ERBB4: variants seen among roughly 807,000 people sequenced by gnomAD.
The protein encoded by ERBB4 is receptor tyrosine-protein kinase erbB-4.
A neutral mutation model predicts 158.0 loss-of-function variants in ERBB4; 42 were observed. The observed-to-expected ratio is 0.27, with a 90% CI of 0.21 to 0.34. The LOEUF (loss-of-function observed/expected upper bound fraction) is 0.34, where lower values mean the gene tolerates loss of function less well. Among genes scored for constraint, ERBB4 ranks in the 10% least tolerant of loss-of-function variants. The pLI is 1.00. For synonymous variants in ERBB4, 583 were observed against 558.7 expected, an observed-to-expected ratio of 1.04 and a Z score of -0.61; for missense variants, 1,333 against 1,624.1, an observed-to-expected ratio of 0.82 and a Z score of 3.08.
chr2:212,292,884 C>G (rs1323807778), intron 1 of ERBB4, among the ~76,000 whole-genome samples: 1 of 152,008 alleles, frequency 6.6e-6, no homozygotes, highest in Non-Finnish European at 1.5e-5. Flanking sequence ...AGATTGTTTT[C>G]TATTTCAGTT....
At chr2:211,664,366 T>C (rs2071542113) in intron 15 of ERBB4, among the ~76,000 whole-genome samples, 1 of 151,874 alleles carries the variant, frequency 6.6e-6, no homozygotes, top group Non-Finnish European at 1.5e-5. Context: ...TCTGTATGCG[T>C]CTGTGTGTGT....
At chr2:211,791,433 G>A (rs1410050937) in intron 3 of ERBB4, among the ~76,000 whole-genome samples, 1 of 151,714 alleles carries the variant, frequency 6.6e-6, no homozygotes, top group Non-Finnish European at 1.5e-5. Flanking sequence ...ACAAATAAAT[G>A]TTAAGAAAGA....
intron 2 of ERBB4, among the ~76,000 whole-genome samples, chr2:211,957,356 A>G (rs1170592741): frequency 1.3e-5 from 2 of 152,138 alleles, no homozygotes; most frequent in Non-Finnish European, 2.9e-5. Flanking sequence ...TCTACAAGCC[A>G]AGGAGAGAGA....
intron 20 of ERBB4, among the ~76,000 whole-genome samples, chr2:211,511,471 C>T (rs74717367): frequency 0.021 from 3,146 of 152,058 alleles, 124 homozygotes; most frequent in African/African-American, 0.072. Flanking sequence ...ATGAGTATTA[C>T]TGAAAGAGAA....
Position 211,726,795 on chromosome 2 carries a change from C to G in ERBB4, c.623-1601G>C, listed in dbSNP as rs1246483499. On this transcript the variant is annotated intron_variant, in intron 5 of 27. Coordinates refer to ENST00000342788, the MANE Select transcript of ERBB4 (RefSeq NM_005235.3). ...ACGCCTATAAATCAGTGTTGATTCA[C>G]AGTATGAAACTTATGACCATCCCCG... Among the ~76,000 whole-genome samples the G allele has an allele frequency of 5.3e-5, 8 of 152,258 alleles. No homozygotes were observed. The South Asian group carries it at 1.7e-3, about 32-fold the overall frequency.
intron 2 of ERBB4, chr2:212,124,534 A>G (rs1262584065): frequency 1.8e-6 from 1 of 562,554 alleles, no homozygotes; most frequent in South Asian, 2.0e-5. Flanking sequence ...TCTTAGGGCA[A>G]CAGCAACTGC....
At chr2:212,535,576 T>A (rs79193523) in intron 1 of ERBB4, among the ~76,000 whole-genome samples, 1,743 of 152,320 alleles carry the variant, frequency 0.011, 15 homozygotes, top group Middle Eastern at 0.041. Flanking sequence ...AATGCTACTA[T>A]ACATTTTCTT....
chr2:212,205,757 C>A (rs2082727600), intron 1 of ERBB4, among the ~76,000 whole-genome samples: 1 of 152,066 alleles, frequency 6.6e-6, no homozygotes, highest in Non-Finnish European at 1.5e-5. Context: ...TTAGGTAAAT[C>A]ATAGAGAGAA....
At chr2:211,429,490 A>G (rs980745106) in intron 21 of ERBB4, among the ~76,000 whole-genome samples, 1 of 152,250 alleles carries the variant, frequency 6.6e-6, no homozygotes, top group Non-Finnish European at 1.5e-5. Context: ...CACTACAAGA[A>G]AAACATCTCA....
intron 1 of ERBB4, among the ~76,000 whole-genome samples, chr2:212,363,959 A>G (rs1252093040): frequency 6.6e-6 from 1 of 151,786 alleles, no homozygotes; most frequent in Non-Finnish European, 1.5e-5. Context: ...CCAGATGCCA[A>G]TATGTTGAAT....
chr2:212,422,085 C>A (rs150393234), intron 1 of ERBB4, among the ~76,000 whole-genome samples: 4 of 152,086 alleles, frequency 2.6e-5, no homozygotes, highest in African/African-American at 9.7e-5. Context: ...TGAAAAGTAT[C>A]CCAGATTTAG....
At chr2:211,711,491 C>G (rs927446915) in intron 9 of ERBB4, among the ~76,000 whole-genome samples, 1 of 152,048 alleles carries the variant, frequency 6.6e-6, no homozygotes. Flanking sequence ...AATCACGTTG[C>G]AATTTGTATT....
chr2:211,487,947 G>A (rs2065247498), intron 20 of ERBB4, among the ~76,000 whole-genome samples: 1 of 152,038 alleles, frequency 6.6e-6, no homozygotes, highest in Admixed American at 6.6e-5. Context: ...ATGCTCTGCT[G>A]AGCCTTCAGT....
intron 1 of ERBB4, among the ~76,000 whole-genome samples, chr2:212,301,357 T>C (rs2086614901): frequency 6.6e-6 from 1 of 151,432 alleles, no homozygotes; most frequent in South Asian, 2.1e-4. Context: ...TTCCCTGTAA[T>C]GTATAACCTG....
intron 2 of ERBB4, among the ~76,000 whole-genome samples, chr2:212,058,696 A>T (rs957929958): frequency 6.6e-6 from 1 of 152,216 alleles, no homozygotes; most frequent in Non-Finnish European, 1.5e-5. Context: ...AAATCGCATG[A>T]TTATCTCAAT....
intron 1 of ERBB4, among the ~76,000 whole-genome samples, chr2:212,377,525 T>C (rs1440466398): frequency 1.3e-5 from 2 of 151,850 alleles, no homozygotes; most frequent in Non-Finnish European, 2.9e-5. Context: ...TAAATGTTTG[T>C]GTATTTAAAC....
In ERBB4 at chr2:211,651,724, C is replaced by A. The variant is rs1202895708; in HGVS notation, c.1946+6030G>T. Among the ~76,000 whole-genome samples the A allele has an allele frequency of 2.6e-5, 4 of 152,142 alleles. No homozygotes were observed. In the East Asian group the frequency reaches 7.7e-4, roughly 29 times the overall value. ...TGGGGTGGGAAGGGCTGGTTCATGA[C>A]AAGGAATACACATGGCTGGCTAAGA... On this transcript the variant is annotated intron_variant, in intron 16 of 27. Transcript: ENST00000342788.
chr2:212,301,119 T>C (rs1026774254), intron 1 of ERBB4, among the ~76,000 whole-genome samples: 1 of 63,828 alleles, frequency 1.6e-5, no homozygotes, highest in Non-Finnish European at 5.0e-5. Flanking sequence ...TGCATTGATA[T>C]GCTTTTTTTT....
chr2:211,463,487 A>G (rs1204054321), intron 20 of ERBB4, among the ~76,000 whole-genome samples: 3 of 152,178 alleles, frequency 2.0e-5, no homozygotes, highest in Non-Finnish European at 4.4e-5. Flanking sequence ...CCTAACTGGA[A>G]GTGGGCCTCA....
Sources: allele counts gnomAD v4.1 joint callset (sites outside exome capture counted in the v4.1 genomes callset), GRCh38; gene constraint gnomAD v4.1.1; transcripts MANE v1.5; gene names NCBI Gene and HGNC (gene_info 2026-07-23, HGNC 2026-07-21).